FXYD6: variants seen among roughly 807,000 people sequenced by gnomAD.
FXYD6 encodes the protein FXYD domain-containing ion transport regulator 6.
FXYD6 carries 7 observed loss-of-function variants against 16.7 expected under a neutral mutation model. The observed-to-expected ratio is 0.42, with a 90% CI of 0.24 to 0.79. FXYD6 has a LOEUF of 0.79. Among genes scored for constraint, FXYD6 ranks in the 30% least tolerant of loss-of-function variants. The pLI is 0.28. For missense variants in FXYD6, 111 were observed against 116.2 expected, an observed-to-expected ratio of 0.95 and a Z score of 0.21; for synonymous variants, 49 against 43.0, an observed-to-expected ratio of 1.14 and a Z score of -0.54.
chr11:117,871,317 C>G (rs2057130373), intron 1 of FXYD6, among the ~76,000 whole-genome samples: 1 of 152,224 alleles, frequency 6.6e-6, no homozygotes, highest in Admixed American at 6.5e-5. Flanking sequence ...TAGGTGTCTA[C>G]ACCTCCTGGT....
Position 117,872,116 on chromosome 11 carries a change from T to C in FXYD6, c.-6+4476A>G, listed in dbSNP as rs1419328926. On this transcript the variant is annotated intron_variant, in intron 1 of 7. Transcript: ENST00000526014. This position sits in a 1 kb window ranked among gnomAD's most constrained non-coding sequence, Gnocchi z 4.9. ...ACCTGGACCTGAGCTGTAACATCAG[T>C]GGGTAAAATGGAATGGGCTGAGAGG... Among the ~76,000 whole-genome samples the C allele has an allele frequency of 1.3e-5, 2 of 151,814 alleles. No homozygotes were observed. The highest frequency in any genetic ancestry group is 1.3e-4 in the Admixed American group (2 of 15,246).
intron 1 of FXYD6, among the ~76,000 whole-genome samples, chr11:117,868,059 GCGCCTGT>G (rs1565330296): frequency 6.6e-6 from 1 of 152,160 alleles, no homozygotes; most frequent in Non-Finnish European, 1.5e-5. Flanking sequence ...GACTCCAAGA[GCGCCTGT>G]CGCCTGTCGT....
At chr11:117,866,330 G>T (rs926383047) in intron 1 of FXYD6, among the ~76,000 whole-genome samples, 1 of 152,014 alleles carries the variant, frequency 6.6e-6, no homozygotes, top group East Asian at 1.9e-4. Flanking sequence ...AAAAAAAACT[G>T]GGGGGGAAAT....
At chr11:117,874,060 C>T (rs1448198265) in intron 1 of FXYD6, among the ~76,000 whole-genome samples, 1 of 152,106 alleles carries the variant, frequency 6.6e-6, no homozygotes, top group Non-Finnish European at 1.5e-5. Flanking sequence ...GTTAGAAGGC[C>T]TCAGCGACTA....
chr11:117,855,643 G>A (rs746411950), intron 1 of FXYD6, among the ~76,000 whole-genome samples: 7 of 152,312 alleles, frequency 4.6e-5, no homozygotes, highest in Middle Eastern at 6.8e-3. Flanking sequence ...TCTCAGTTCC[G>A]GGCGAGAGAT....
intron 1 of FXYD6, among the ~76,000 whole-genome samples, chr11:117,863,509 C>T (rs4938442): frequency 0.21 from 31,764 of 151,278 alleles, 4,131 homozygotes; most frequent in Admixed American, 0.33. Flanking sequence ...AAACATCACA[C>T]TCAATGGTCA....
Position 117,850,057 on chromosome 11 carries a change from C to T in FXYD6, c.-5-7276G>A, listed in dbSNP as rs574568263. Among the ~76,000 whole-genome samples the T allele has an allele frequency of 2.0e-5, 3 of 152,330 alleles. No homozygotes were observed. The East Asian group carries it at 5.8e-4, about 29-fold the overall frequency. On this transcript the variant is annotated intron_variant, in intron 1 of 7. Transcript: ENST00000526014. Reference sequence around the variant, plus strand: ...ATGCCACAAACCCTGACTACGCTTGCTCAGAATGAATCTGCCATTTCATTT... The same window carrying T: ...ATGCCACAAACCCTGACTACGCTTGTTCAGAATGAATCTGCCATTTCATTT...
intron 5 of FXYD6, 106 bp from the exon 6 acceptor site, chr11:117,840,474 C>G (rs148930995): frequency 1.3e-6 from 2 of 1,484,594 alleles, no homozygotes; most frequent in African/African-American, 1.4e-5. Context: ...TCAGGCTCCT[C>G]CCAGTGCCCT....
intron 1 of FXYD6, among the ~76,000 whole-genome samples, chr11:117,856,678 A>T (rs991322706): frequency 6.6e-6 from 1 of 152,224 alleles, no homozygotes; most frequent in African/African-American, 2.4e-5. Context: ...AGATCTTTGC[A>T]ACCAAGAAGT....
At chr11:117,840,614 C>T (rs1263135977) in intron 5 of FXYD6, among the ~76,000 whole-genome samples, 2 of 152,170 alleles carry the variant, frequency 1.3e-5, no homozygotes, top group East Asian at 3.9e-4. Flanking sequence ...GAGGCTAGGG[C>T]CACATGGGGG....
chr11:117,839,408 G>A (rs1302241374), intron 7 of FXYD6: 3 of 265,614 alleles, frequency 1.1e-5, no homozygotes, highest in African/African-American at 4.4e-5. Context: ...AAAAACAAGT[G>A]GCCCTAAAGT....
intron 5 of FXYD6, among the ~76,000 whole-genome samples, chr11:117,840,761 A>G (rs985764790): frequency 1.3e-5 from 2 of 152,092 alleles, no homozygotes; most frequent in Non-Finnish European, 2.9e-5. Context: ...AAAGAGCCTC[A>G]TGAACAGGTG....
chr11:117,845,304 C>CT (rs2056445369), intron 1 of FXYD6, among the ~76,000 whole-genome samples: 1 of 152,164 alleles, frequency 6.6e-6, no homozygotes, highest in Admixed American at 6.5e-5. Context: ...GTTCATCTAC[C>CT]TTGTAGCATG....
intron 1 of FXYD6, among the ~76,000 whole-genome samples, chr11:117,858,913 C>T (rs1202326813): frequency 3.3e-5 from 5 of 151,778 alleles, no homozygotes; most frequent in African/African-American, 9.7e-5. Flanking sequence ...GTAGCTGGGA[C>T]TACAGGTGCG....
chr11:117,853,678 G>C (rs2056658518), intron 1 of FXYD6, among the ~76,000 whole-genome samples: 1 of 152,124 alleles, frequency 6.6e-6, no homozygotes, highest in African/African-American at 2.4e-5. Flanking sequence ...TTTTAGTAGA[G>C]ACAGGGTTTC....
chr11:117,868,333 A>G (rs1037287932), intron 1 of FXYD6, among the ~76,000 whole-genome samples: 6 of 152,208 alleles, frequency 3.9e-5, no homozygotes, highest in African/African-American at 1.2e-4. Flanking sequence ...GTCAACAGCA[A>G]TGAATCATCC....
intron 1 of FXYD6, among the ~76,000 whole-genome samples, chr11:117,876,023 A>C (rs2057255177): frequency 6.6e-6 from 1 of 152,090 alleles, no homozygotes; most frequent in Non-Finnish European, 1.5e-5. Context: ...GGAGGGAAAA[A>C]ATGATGCACT....
At chr11:117,840,128 C>G in intron 6 of FXYD6, 191 bp downstream of exon 6, 1 of 697,408 alleles carries the variant, frequency 1.4e-6, no homozygotes, top group Non-Finnish European at 2.5e-6. Context: ...CTGTAAATAG[C>G]AGGTGACACT....
At chr11:117,841,941 C>T (rs73593313) in intron 3 of FXYD6, 49 bp downstream of exon 3, 1 of 1,614,068 alleles carries the variant, frequency 6.2e-7, no homozygotes, top group Non-Finnish European at 8.5e-7. Context: ...TCCTGCCAGG[C>T]AGGGCTGCAT....
Sources: allele counts gnomAD v4.1 joint callset (sites outside exome capture counted in the v4.1 genomes callset), GRCh38; gene constraint gnomAD v4.1.1; non-coding constraint Gnocchi (gnomAD v3.1); transcripts MANE v1.5; gene names NCBI Gene and HGNC (gene_info 2026-07-23, HGNC 2026-07-21).